NUDT2: variants seen among roughly 807,000 people sequenced by gnomAD.
NUDT2 encodes bis(5'-nucleosyl)-tetraphosphatase [asymmetrical].
Under a neutral mutation model 14.2 loss-of-function variants are expected in NUDT2, and 12 were observed. The observed-to-expected ratio is 0.84, with a 90% CI of 0.54 to 1.37. The LOEUF (loss-of-function observed/expected upper bound fraction) is 1.37, where lower values mean the gene tolerates loss of function less well. Among genes scored for constraint, NUDT2 ranks in the 40% most tolerant of loss-of-function variants. The probability of loss-of-function intolerance (pLI) is 0.00; values close to 1 mark genes in which losing one functional copy is unlikely to be tolerated. For missense variants in NUDT2, 167 were observed against 176.7 expected, an observed-to-expected ratio of 0.95 and a Z score of 0.31; for synonymous variants, 67 against 67.4, an observed-to-expected ratio of 0.99 and a Z score of 0.03.
rs1392716678 is a variant in NUDT2, at chr9:34,343,125, C to T, written c.129C>T (p.Gly43=). The T allele has an allele frequency of 1.9e-6, 3 of 1,610,474 alleles. No individual in the cohort carries two copies. The highest frequency in any genetic ancestry group is 1.1e-5 in the South Asian group (1 of 90,760). ...TTCTTCCTCTTTTCTCCTAACTAGGCCATGTGGAACCAGGAGAGGATGACT... is the reference window on the plus strand; with the variant it reads ...TTCTTCCTCTTTTCTCCTAACTAGGTCATGTGGAACCAGGAGAGGATGACT... ...DGIHHWTPPK[G]HVEPGEDDLE... Residue 43 remains glycine (G), a splice_region_variant and synonymous_variant, in exon 5 of 5, where the codon GGC becomes GGT. Coordinates refer to ENST00000379158, the MANE Select transcript of NUDT2 (RefSeq NM_001161.5).
chr9:34,333,977 T>C lies in NUDT2; in HGVS notation c.-264-2252T>C, dbSNP rs140890426. Among the ~76,000 whole-genome samples, 410 of 152,346 alleles carry C rather than the reference T, an allele frequency of 2.7e-3. 1 individual carries two copies. Among genetic ancestry groups the C allele is most frequent in the Middle Eastern group, 6.8e-3 (2 of 294 alleles). On this transcript the variant is annotated intron_variant, in intron 1 of 4. Transcript: ENST00000379158. ...AATAGTTGTCAAAAGTCTTGCACAGTATAGCTGGCACAGTATATATAGATG... is the reference window on the plus strand; with the variant it reads ...AATAGTTGTCAAAAGTCTTGCACAGCATAGCTGGCACAGTATATATAGATG...
intron 2 of NUDT2, among the ~76,000 whole-genome samples, chr9:34,337,061 C>T (rs1332848872): frequency 6.7e-6 from 1 of 148,886 alleles, no homozygotes; most frequent in Non-Finnish European, 1.5e-5. Flanking sequence ...ATTCAGTGGC[C>T]CCGTCTCGGC....
chr9:34,333,824 A>G (rs1390193053), intron 1 of NUDT2, among the ~76,000 whole-genome samples: 1 of 152,154 alleles, frequency 6.6e-6, no homozygotes, highest in Non-Finnish European at 1.5e-5. Context: ...ACTTGGATTG[A>G]AATCCCATCC....
intron 1 of NUDT2, among the ~76,000 whole-genome samples, chr9:34,333,228 A>T (rs983326109): frequency 3.0e-4 from 45 of 152,172 alleles, no homozygotes; most frequent in African/African-American, 1.0e-3. Flanking sequence ...TCTTCTTCGG[A>T]TACCAGGATT....
At chr9:34,336,099 TC>T (rs1338216074) in intron 1 of NUDT2, 129 bp from the exon 2 acceptor site, 1 of 152,122 alleles carries the variant, frequency 6.6e-6, no homozygotes, top group African/African-American at 2.4e-5. Flanking sequence ...GTTCTAACAT[TC>T]ATTCCATGGG....
At chr9:34,331,725 T>C (rs1383289463) in intron 1 of NUDT2, among the ~76,000 whole-genome samples, 1 of 152,198 alleles carries the variant, frequency 6.6e-6, no homozygotes, top group Non-Finnish European at 1.5e-5. Context: ...CCTTGGGAAA[T>C]GAAGAGATAG....
Position 34,338,824 on chromosome 9 carries a change from AG to A in NUDT2, c.-37del. ...GCCACATTGACTGAGGGTAGTTGCC[AG>A]GGTCCTGCAGTTATACACAAAGGTC... is the stretch of plus-strand genomic sequence containing the variant. On this transcript the variant is annotated 5_prime_UTR_variant, in exon 3 of 5. Coordinates refer to ENST00000379158, the MANE Select transcript of NUDT2 (RefSeq NM_001161.5). The A allele has an allele frequency of 5.1e-6, 2 of 390,774 alleles. No individual in the cohort carries two copies. Among genetic ancestry groups the A allele is most frequent in the Admixed American group, 3.9e-5 (1 of 25,772 alleles). The allele number at this position is 390,774 out of a possible 1,614,324, so 24.2% of individuals were successfully genotyped here.
At chr9:34,335,098 G>A (rs1838057063) in intron 1 of NUDT2, among the ~76,000 whole-genome samples, 1 of 152,162 alleles carries the variant, frequency 6.6e-6, no homozygotes, top group African/African-American at 2.4e-5. Flanking sequence ...GCTCCTCTGA[G>A]TCCTGGGCCA....
chr9:34,338,688 A>T (rs997920193), intron 2 of NUDT2, 25 bp from the exon 3 acceptor site: 4 of 171,732 alleles, frequency 2.3e-5, no homozygotes, highest in Non-Finnish European at 5.0e-5. Flanking sequence ...CCTCTCTCCC[A>T]TTCCCAACAT....
intron 1 of NUDT2, among the ~76,000 whole-genome samples, chr9:34,332,491 A>C (rs1369706337): frequency 6.6e-6 from 1 of 152,140 alleles, no homozygotes; most frequent in Non-Finnish European, 1.5e-5. Flanking sequence ...AATCCTTCAC[A>C]CTGTCTGTCG....
At chr9:34,334,766 G>C (rs1838043544) in intron 1 of NUDT2, among the ~76,000 whole-genome samples, 1 of 152,172 alleles carries the variant, frequency 6.6e-6, no homozygotes, top group South Asian at 2.1e-4. Context: ...TACCAGCAGA[G>C]ATTTACTATA....
chr9:34,329,865 C>G (rs1023420896), intron 1 of NUDT2, among the ~76,000 whole-genome samples: 2 of 151,996 alleles, frequency 1.3e-5, no homozygotes, highest in African/African-American at 4.8e-5. Flanking sequence ...GTGGGTCGTC[C>G]AAATCCCAGA....
intron 4 of NUDT2, among the ~76,000 whole-genome samples, chr9:34,341,377 G>A (rs866991998): frequency 2.4e-4 from 36 of 152,162 alleles, no homozygotes; most frequent in African/African-American, 8.2e-4. Context: ...ATCACTACTA[G>A]CATCCCTCCC....
intron 4 of NUDT2, among the ~76,000 whole-genome samples, 196 bp downstream of exon 4, chr9:34,339,362 T>A (rs1010923162): frequency 1.3e-5 from 2 of 152,182 alleles, no homozygotes; most frequent in African/African-American, 4.8e-5. Context: ...TGTGACTGAA[T>A]TCCAGGGTAG....
intron 2 of NUDT2, among the ~76,000 whole-genome samples, chr9:34,337,907 G>A (rs1443909393): frequency 2.0e-5 from 3 of 151,758 alleles, no homozygotes; most frequent in Non-Finnish European, 4.4e-5. Context: ...GCCCGATCTC[G>A]GCTCACCACA....
intron 4 of NUDT2, among the ~76,000 whole-genome samples, chr9:34,342,421 C>T (rs1289076708): frequency 2.0e-5 from 3 of 152,118 alleles, no homozygotes; most frequent in Non-Finnish European, 4.4e-5. Flanking sequence ...AGGACTTCCC[C>T]CTCCTTGGAA....
rs1820248842 is a variant in NUDT2, at chr9:34,343,491, A to G, written c.*51A>G. The G allele has an allele frequency of 6.9e-7, 1 of 1,455,496 alleles. No individual in the cohort carries two copies. The allele number at this position is 1,455,496 out of a possible 1,614,324, so 90.2% of individuals were successfully genotyped here. ...TCAGCAGGATCCTTGTGGGCCTTCTAAGATGAAGCCACCCTCAGGTCCAGG... is the reference window on the plus strand; with the variant it reads ...TCAGCAGGATCCTTGTGGGCCTTCTGAGATGAAGCCACCCTCAGGTCCAGG... On this transcript the variant is annotated 3_prime_UTR_variant, in exon 5 of 5. Coordinates refer to ENST00000379158, the MANE Select transcript of NUDT2 (RefSeq NM_001161.5).
chr9:34,333,286 T>C (rs1837997683), intron 1 of NUDT2, among the ~76,000 whole-genome samples: 1 of 151,988 alleles, frequency 6.6e-6, no homozygotes, highest in Non-Finnish European at 1.5e-5. Flanking sequence ...TTGGTGGAAA[T>C]GATCCCAGCT....
chr9:34,334,176 C>A (rs1838026697), intron 1 of NUDT2, among the ~76,000 whole-genome samples: 2 of 152,160 alleles, frequency 1.3e-5, no homozygotes, highest in Non-Finnish European at 2.9e-5. Context: ...AACAGCATAG[C>A]CATGTATTTG....
Sources: allele counts gnomAD v4.1 joint callset (sites outside exome capture counted in the v4.1 genomes callset), GRCh38; gene constraint gnomAD v4.1.1; transcripts MANE v1.5; gene names NCBI Gene and HGNC (gene_info 2026-07-23, HGNC 2026-07-21).